The following DPP6 variants were observed in gnomAD, a reference collection of about 807,000 sequenced individuals.
DPP6 encodes the protein A-type potassium channel modulatory protein DPP6.
DPP6 carries 69 observed loss-of-function variants against 122.6 expected under a neutral mutation model. That is an observed-to-expected ratio of 0.56 (90% CI 0.46 to 0.69). DPP6 has a LOEUF of 0.69. Ranked by LOEUF, DPP6 falls within the 30% of genes least tolerant of loss-of-function variation. DPP6 has a pLI of 0.00. For synonymous variants in DPP6, 418 were observed against 433.1 expected (o/e 0.97, Z 0.43); for missense variants, 928 against 1,116.9 (o/e 0.83, Z 2.41).
chr7:154,342,164 C>T (rs993005868), intron 1 of DPP6, among the ~76,000 whole-genome samples: 1 of 152,192 alleles, frequency 6.6e-6, no homozygotes, highest in African/African-American at 2.4e-5. Flanking sequence ...GAGAGAATGT[C>T]TAGGCTGTGA....
chr7:154,211,147 G>C (rs1235858372), intron 1 of DPP6, among the ~76,000 whole-genome samples: 2 of 152,192 alleles, frequency 1.3e-5, no homozygotes, highest in South Asian at 2.1e-4. Context: ...AGGAAAGCAA[G>C]ACAGCAGAGA....
intron 1 of DPP6, among the ~76,000 whole-genome samples, chr7:154,016,331 G>A (rs1333074881): frequency 1.5e-5 from 1 of 68,066 alleles, no homozygotes; most frequent in Non-Finnish European, 2.8e-5. Flanking sequence ...TCTGCAATGT[G>A]CTTGGTAGTT....
intron 1 of DPP6, among the ~76,000 whole-genome samples, chr7:154,242,295 T>A (rs1801670889): frequency 6.6e-6 from 1 of 152,208 alleles, no homozygotes; most frequent in Non-Finnish European, 1.5e-5. Flanking sequence ...ACTCCATAAA[T>A]AACTAATAGT....
chr7:154,862,754 C>CA (rs1369433557), intron 17 of DPP6, among the ~76,000 whole-genome samples: 1 of 152,196 alleles, frequency 6.6e-6, no homozygotes, highest in Non-Finnish European at 1.5e-5. Flanking sequence ...GCCATGGGCC[C>CA]AGCATGATGC....
At chr7:154,206,599 A>G (rs760192373) in intron 1 of DPP6, among the ~76,000 whole-genome samples, 1 of 152,112 alleles carries the variant, frequency 6.6e-6, no homozygotes. Context: ...GCCCTCACCA[A>G]TCCATCCAGA....
At chr7:153,873,650 G>A in the DPP6 span, among the ~76,000 whole-genome samples, 3 of 152,208 alleles carry the variant, frequency 2.0e-5, no homozygotes, top group Non-Finnish European at 2.9e-5. Flanking sequence ...ACAGGTGAAT[G>A]GATGAACAGT....
Position 154,875,848 on chromosome 7 carries a change from T to TAGACCAGCCGCC in DPP6, c.1884-56_1884-45dup. ...GGGGGTCATCTGACGTGGCAGCTGC[T>TAGACCAGCCGCC]AGACCAGCCGCCACCCACCACGCAG... On this transcript the variant is annotated intron_variant, in intron 19 of 25. Transcript: ENST00000377770. This position sits in a 1 kb window ranked among gnomAD's most constrained non-coding sequence, Gnocchi z 4.5. 1.3e-6 allele frequency: 2 copies of TAGACCAGCCGCC among 1,558,616 alleles called. No individual in the cohort carries two copies. The highest frequency in any genetic ancestry group is 1.7e-6 in the Non-Finnish European group (2 of 1,153,582).
At chr7:153,892,207 G>GC (rs1246096447) in intron 1 of DPP6, among the ~76,000 whole-genome samples, 1 of 152,250 alleles carries the variant, frequency 6.6e-6, no homozygotes, top group Admixed American at 6.5e-5. Context: ...AAATAAAGCA[G>GC]AATGGCATTC....
At chr7:154,788,080 A>G (rs543580232) in intron 10 of DPP6, among the ~76,000 whole-genome samples, 1 of 152,202 alleles carries the variant, frequency 6.6e-6, no homozygotes, top group East Asian at 1.9e-4. Context: ...ACTTTTTTTT[A>G]CATGTTGAGT....
chr7:154,335,310 C>T (rs1280796129), intron 1 of DPP6, among the ~76,000 whole-genome samples: 1 of 151,658 alleles, frequency 6.6e-6, no homozygotes, highest in African/African-American at 2.4e-5. Flanking sequence ...TCTTAAAAAA[C>T]AAAACAAAAC....
intron 1 of DPP6, among the ~76,000 whole-genome samples, chr7:153,909,124 G>A (rs912497029): frequency 5.3e-5 from 8 of 152,118 alleles, no homozygotes; most frequent in East Asian, 3.8e-4. Flanking sequence ...CTATGTTATC[G>A]TTATTTTAAT....
At chr7:154,705,096 C>T (rs1840752967) in intron 7 of DPP6, among the ~76,000 whole-genome samples, 1 of 152,086 alleles carries the variant, frequency 6.6e-6, no homozygotes, top group Non-Finnish European at 1.5e-5. Flanking sequence ...TATTCAGAAA[C>T]CTGGTACAAG....
chr7:154,135,244 T>A (rs1170213902), intron 1 of DPP6, among the ~76,000 whole-genome samples: 1 of 150,752 alleles, frequency 6.6e-6, no homozygotes, highest in Non-Finnish European at 1.5e-5. Flanking sequence ...ATAGATCCTA[T>A]GTGTATACTT....
chr7:154,236,774 T>C (rs770198425), intron 1 of DPP6, among the ~76,000 whole-genome samples: 17 of 152,202 alleles, frequency 1.1e-4, no homozygotes, highest in Non-Finnish European at 1.5e-4. Flanking sequence ...TTTACATCCC[T>C]AATAACTTTG....
chr7:154,534,406 A>G (rs1032681828), intron 3 of DPP6, among the ~76,000 whole-genome samples: 13 of 152,182 alleles, frequency 8.5e-5, no homozygotes, highest in African/African-American at 2.9e-4. Context: ...CAAAAAATAA[A>G]TAAAAGGTAC....
At chr7:153,821,251 C>A in the DPP6 span, among the ~76,000 whole-genome samples, 3 of 151,314 alleles carry the variant, frequency 2.0e-5, no homozygotes, top group Admixed American at 6.6e-5. Flanking sequence ...TTTTTCATAA[C>A]TTTTATTATT....
intron 9 of DPP6, 85 bp downstream of exon 9, chr7:154,769,656 A>G (rs2150378322): frequency 7.1e-7 from 1 of 1,408,738 alleles, no homozygotes; most frequent in East Asian, 2.6e-5. Context: ...AGACGTGATC[A>G]TCAGACATGT....
chr7:154,630,860 A>G (rs10244016), intron 5 of DPP6, among the ~76,000 whole-genome samples: 75,092 of 151,914 alleles, frequency 0.49, 19,061 homozygotes, highest in African/African-American at 0.62. Flanking sequence ...TAGATGACAG[A>G]TTGATGGGTA....
intron 1 of DPP6, among the ~76,000 whole-genome samples, chr7:154,032,054 T>C (rs1799268963): frequency 6.7e-6 from 1 of 149,722 alleles, no homozygotes; most frequent in African/African-American, 2.5e-5. Context: ...GTATTTTTAG[T>C]AGAGACGGGG....
Sources: allele counts gnomAD v4.1 joint callset (sites outside exome capture counted in the v4.1 genomes callset), GRCh38; gene constraint gnomAD v4.1.1; non-coding constraint Gnocchi (gnomAD v3.1); transcripts MANE v1.5; gene names NCBI Gene and HGNC (gene_info 2026-07-23, HGNC 2026-07-21).